Variants in ANKRD45 observed in about 807,000 individuals in gnomAD.
ANKRD45 encodes ankyrin repeat domain 45.
ANKRD45 carries 21 observed loss-of-function variants against 28.1 expected under a neutral mutation model. The observed-to-expected ratio is 0.75, with a 90% CI of 0.53 to 1.08. The LOEUF (loss-of-function observed/expected upper bound fraction) is 1.08. Ranked by LOEUF, ANKRD45 falls within the 50% of genes least tolerant of loss-of-function variation. The pLI, the probability that ANKRD45 is intolerant of heterozygous loss-of-function variation, is 0.00. For missense variants in ANKRD45, 261 were observed against 308.7 expected, an observed-to-expected ratio of 0.85 and a Z score of 1.16; for synonymous variants, 86 against 103.9, an observed-to-expected ratio of 0.83 and a Z score of 1.05.
the ANKRD45 span, among the ~76,000 whole-genome samples, chr1:173,689,336 G>A: frequency 6.6e-6 from 1 of 152,148 alleles, no homozygotes; most frequent in Admixed American, 6.5e-5. Context: ...ACCCTTTATA[G>A]TTTCTGGCTC....
At chr1:173,628,348 G>A (rs1310608964) in intron 3 of ANKRD45, among the ~76,000 whole-genome samples, 1 of 152,052 alleles carries the variant, frequency 6.6e-6, no homozygotes, top group East Asian at 1.9e-4. Flanking sequence ...CTGATTCCAA[G>A]CCTTGGCTCC....
chr1:173,652,712 A>T (rs893549401), intron 2 of ANKRD45, among the ~76,000 whole-genome samples: 1 of 152,214 alleles, frequency 6.6e-6, no homozygotes, highest in African/African-American at 2.4e-5. Flanking sequence ...TTCGGCTGTC[A>T]ATCCATCTGC....
chr1:173,615,612 T>C (rs578242673), intron 5 of ANKRD45, among the ~76,000 whole-genome samples: 1 of 152,196 alleles, frequency 6.6e-6, no homozygotes, highest in Non-Finnish European at 1.5e-5. Flanking sequence ...TGACAAATAC[T>C]GACAAAGATG....
At chr1:173,653,995 G>A (rs1364946963) in intron 2 of ANKRD45, among the ~76,000 whole-genome samples, 1 of 133,628 alleles carries the variant, frequency 7.5e-6, no homozygotes, top group Non-Finnish European at 1.5e-5. Flanking sequence ...GAGCATATGT[G>A]TGTCTCTGCA....
the ANKRD45 span, among the ~76,000 whole-genome samples, chr1:173,703,664 GTT>G: frequency 1.3e-5 from 2 of 152,126 alleles, no homozygotes; most frequent in Non-Finnish European, 2.9e-5. Context: ...ACAAACGTAG[GTT>G]TCCCAATGTT....
At chr1:173,643,045 A>G (rs1192874718) in intron 3 of ANKRD45, among the ~76,000 whole-genome samples, 1 of 152,020 alleles carries the variant, frequency 6.6e-6, no homozygotes, top group Non-Finnish European at 1.5e-5. Context: ...ATATACTATC[A>G]CTGCTACATG....
At chr1:173,659,606 C>A (rs1198463098) in intron 1 of ANKRD45, among the ~76,000 whole-genome samples, 173 bp from the exon 2 acceptor site, 1 of 151,924 alleles carries the variant, frequency 6.6e-6, no homozygotes, top group African/African-American at 2.4e-5. Flanking sequence ...TATTGTGTAC[C>A]TATTATGAGT....
At chr1:173,641,607 C>T (rs1668702939) in intron 3 of ANKRD45, among the ~76,000 whole-genome samples, 1 of 152,202 alleles carries the variant, frequency 6.6e-6, no homozygotes, top group Non-Finnish European at 1.5e-5. Context: ...CTTTACTGGA[C>T]ACTCTGCCTT....
chr1:173,662,520 A>C (rs1298532911), intron 1 of ANKRD45, among the ~76,000 whole-genome samples: 1 of 152,134 alleles, frequency 6.6e-6, no homozygotes, highest in Non-Finnish European at 1.5e-5. Context: ...TTAAAGATGG[A>C]GATGGTTCAG....
the ANKRD45 span, among the ~76,000 whole-genome samples, chr1:173,702,581 G>A: frequency 6.6e-6 from 1 of 152,106 alleles, no homozygotes; most frequent in African/African-American, 2.4e-5. Flanking sequence ...TGGCAACATA[G>A]AAGCCAAGGA....
chr1:173,666,671 G>C (rs192340824), intron 1 of ANKRD45, among the ~76,000 whole-genome samples: 300 of 152,200 alleles, frequency 2.0e-3, no homozygotes, highest in Non-Finnish European at 3.4e-3. Flanking sequence ...TAGATCCAAG[G>C]CTGGTTTAAT....
intron 2 of ANKRD45, among the ~76,000 whole-genome samples, chr1:173,653,716 T>C (rs1432446106): frequency 6.6e-6 from 1 of 152,136 alleles, no homozygotes; most frequent in Non-Finnish European, 1.5e-5. Flanking sequence ...TCTCCCATTA[T>C]TATTGTTTGG....
chr1:173,698,811 A>G, the ANKRD45 span, among the ~76,000 whole-genome samples: 2 of 152,178 alleles, frequency 1.3e-5, no homozygotes, highest in African/African-American at 2.4e-5. Context: ...GCAAGAAATA[A>G]CTAAGGTCAG....
intron 5 of ANKRD45, among the ~76,000 whole-genome samples, chr1:173,617,949 T>G (rs192338336): frequency 1.3e-5 from 2 of 152,324 alleles, no homozygotes; most frequent in East Asian, 3.9e-4. Flanking sequence ...CCTTGCTGTT[T>G]CACAGGCTTT....
At chr1:173,625,476 A>G (rs1667892486) in intron 4 of ANKRD45, among the ~76,000 whole-genome samples, 1 of 152,182 alleles carries the variant, frequency 6.6e-6, no homozygotes, top group African/African-American at 2.4e-5. Context: ...AAATCTCTCA[A>G]TTTGCACTGT....
intron 5 of ANKRD45, among the ~76,000 whole-genome samples, chr1:173,610,437 T>A (rs554719870): frequency 6.6e-6 from 1 of 152,336 alleles, no homozygotes; most frequent in South Asian, 2.1e-4. Flanking sequence ...AGTATTATTG[T>A]CCCTAGTTCT....
At chr1:173,680,331 C>T in the ANKRD45 span, among the ~76,000 whole-genome samples, 2 of 152,152 alleles carry the variant, frequency 1.3e-5, no homozygotes, top group African/African-American at 4.8e-5. Context: ...AAATGTGGCT[C>T]ACATACACCA....
chr1:173,620,211 C>T (rs1667642063), intron 5 of ANKRD45, among the ~76,000 whole-genome samples: 1 of 151,844 alleles, frequency 6.6e-6, no homozygotes, highest in African/African-American at 2.4e-5. Flanking sequence ...AGAAGTAAAA[C>T]AGTCAGCAAA....
rs181394321 is a variant in ANKRD45, at chr1:173,620,650, G to A, written c.730+4137C>T. ...GGAGATATACCTAATGCTAGATGAC[G>A]AGTTAGTGGGTGCAGCGCACCAGCA... is the stretch of plus-strand genomic sequence containing the variant. On this transcript the variant is annotated intron_variant, in intron 5 of 5. Transcript: ENST00000333279. Among the ~76,000 whole-genome samples, 1,066 of 152,184 alleles carry A rather than the reference G, an allele frequency of 7.0e-3. 9 individuals carry two copies. Among genetic ancestry groups the A allele is most frequent in the Non-Finnish European group, 0.011 (754 of 68,004 alleles).
Sources: gnomAD v4.1 joint callset for allele counts (sites outside exome capture counted in the v4.1 genomes callset) on GRCh38, gnomAD v4.1.1 for gene constraint, MANE v1.5 for transcripts, NCBI Gene and HGNC (gene_info 2026-07-23, HGNC 2026-07-21) for gene names.